Variants in EML4 observed in about 807,000 individuals in gnomAD.
EML4 encodes echinoderm microtubule-associated protein-like 4.
In EML4, 72 loss-of-function variants were observed where a neutral mutation model predicts 129.0. The observed-to-expected ratio is 0.56, with a 90% confidence interval of 0.46 to 0.68. The LOEUF (loss-of-function observed/expected upper bound fraction) is 0.68, where lower values mean the gene tolerates loss of function less well. EML4 is among the 30% of genes least tolerant of loss of function. The pLI is 0.00. For synonymous variants in EML4, 532 were observed against 405.0 expected (o/e 1.31, Z -3.77); for missense variants, 1,363 against 1,190.6 (o/e 1.14, Z -2.13).
intron 8 of EML4, among the ~76,000 whole-genome samples, chr2:42,283,417 G>A (rs937211636): frequency 2.6e-5 from 4 of 152,132 alleles, no homozygotes; most frequent in African/African-American, 9.7e-5. Context: ...TAAGTATGCC[G>A]TAGGATGTCA....
chr2:42,185,815 T>C (rs777643491), intron 1 of EML4, among the ~76,000 whole-genome samples: 7 of 151,986 alleles, frequency 4.6e-5, no homozygotes, highest in Non-Finnish European at 7.4e-5. Flanking sequence ...ATATTGAAAA[T>C]AGGAATATCA....
At chr2:42,302,489 C>T (rs1668339927) in intron 14 of EML4, among the ~76,000 whole-genome samples, 1 of 151,762 alleles carries the variant, frequency 6.6e-6, no homozygotes, top group Non-Finnish European at 1.5e-5. Flanking sequence ...TAACAAAACC[C>T]GACCACATTC....
chr2:42,213,534 ATACT>A (rs1673003880), intron 1 of EML4, among the ~76,000 whole-genome samples: 1 of 152,242 alleles, frequency 6.6e-6, no homozygotes, highest in African/African-American at 2.4e-5. Context: ...TAGTTTAAAA[ATACT>A]TAATGATTGA....
chr2:42,282,100 C>G (rs960298804), intron 7 of EML4, among the ~76,000 whole-genome samples: 4 of 152,070 alleles, frequency 2.6e-5, no homozygotes, highest in Non-Finnish European at 5.9e-5. Flanking sequence ...TTCTCTCCAT[C>G]TAAATTAGGT....
At chr2:42,192,243 T>G (rs113444104) in intron 1 of EML4, among the ~76,000 whole-genome samples, 4,275 of 144,934 alleles carry the variant, frequency 0.029, 125 homozygotes, top group African/African-American at 0.086. Context: ...TTTTTTTTTT[T>G]GGGGGGGGGA....
At chr2:42,252,469 A>G (rs942046326) in intron 2 of EML4, among the ~76,000 whole-genome samples, 3 of 152,186 alleles carry the variant, frequency 2.0e-5, no homozygotes, top group Non-Finnish European at 2.9e-5. Context: ...CATGGCTACT[A>G]GAGGGTATTC....
At chr2:42,299,037 T>C (rs11695492) in intron 13 of EML4, among the ~76,000 whole-genome samples, 38,188 of 152,152 alleles carry the variant, frequency 0.25, 5,728 homozygotes, top group East Asian at 0.56. Context: ...TAGATACTTA[T>C]CTACCTATGC....
intron 1 of EML4, among the ~76,000 whole-genome samples, chr2:42,216,285 C>G (rs1280400751): frequency 3.8e-5 from 5 of 130,262 alleles, no homozygotes; most frequent in Non-Finnish European, 6.2e-5. Context: ...CTCTGTCACC[C>G]AGGCTGGAGT....
At position 42,233,925 on chromosome 2, in the gene EML4, C is replaced by T. The variant is rs114225492; in HGVS notation, c.26-11580C>T. On this transcript the variant is annotated intron_variant, in intron 1 of 22. Transcript: ENST00000318522. Reference sequence around the variant, plus strand: ...AAATACTTACTTTGGGGACTTTAAGCTCTAAGCAATAGTACCTTATTGTTA... The same window carrying T: ...AAATACTTACTTTGGGGACTTTAAGTTCTAAGCAATAGTACCTTATTGTTA... Among the ~76,000 whole-genome samples the T allele has an allele frequency of 6.2e-3, 938 of 152,178 alleles. 6 individuals are homozygous for T. Among genetic ancestry groups the T allele is most frequent in the African/African-American group, 0.021 (885 of 41,440 alleles).
chr2:42,192,689 C>T (rs10193935), intron 1 of EML4, among the ~76,000 whole-genome samples: 22,054 of 151,996 alleles, frequency 0.15, 1,609 homozygotes, highest in East Asian at 0.18. Context: ...ATTTGTAAAC[C>T]CCAGACATTA....
chr2:42,171,018 T>A (rs1004867033), intron 1 of EML4, among the ~76,000 whole-genome samples: 5 of 152,224 alleles, frequency 3.3e-5, no homozygotes, highest in African/African-American at 1.2e-4. Flanking sequence ...AGAGTGGAAA[T>A]CCTAAAATAG....
At chr2:42,327,833 A>G (rs1669892766) in intron 21 of EML4, among the ~76,000 whole-genome samples, 1 of 152,206 alleles carries the variant, frequency 6.6e-6, no homozygotes, top group African/African-American at 2.4e-5. Context: ...AAAAATTAAT[A>G]TTTTCTCTTT....
At chr2:42,226,131 T>C (rs1423369262) in intron 1 of EML4, among the ~76,000 whole-genome samples, 4 of 152,060 alleles carry the variant, frequency 2.6e-5, no homozygotes, top group Non-Finnish European at 4.4e-5. Flanking sequence ...ACTAGAAAAA[T>C]AGTTACCAGT....
At chr2:42,303,635 A>G (rs941188772) in intron 16 of EML4, among the ~76,000 whole-genome samples, 189 bp downstream of exon 16, 3 of 152,126 alleles carry the variant, frequency 2.0e-5, no homozygotes, top group African/African-American at 7.2e-5. Context: ...ATTTTAAAGA[A>G]GTAAGTTAGG....
chr2:42,228,918 T>C (rs1674146758), intron 1 of EML4, among the ~76,000 whole-genome samples: 1 of 152,214 alleles, frequency 6.6e-6, no homozygotes, highest in African/African-American at 2.4e-5. Flanking sequence ...CATATATCTT[T>C]GTGTTGTTTT....
intron 1 of EML4, among the ~76,000 whole-genome samples, chr2:42,183,707 A>T (rs905569884): frequency 5.9e-5 from 9 of 152,132 alleles, no homozygotes; most frequent in African/African-American, 1.9e-4. Flanking sequence ...ATAATATACT[A>T]TGCTACCTTT....
chr2:42,223,868 T>G (rs1283580260), intron 1 of EML4, among the ~76,000 whole-genome samples: 2 of 152,234 alleles, frequency 1.3e-5, no homozygotes, highest in Non-Finnish European at 2.9e-5. Flanking sequence ...ACCCCTTCAT[T>G]TGTGCCCTCA....
intron 2 of EML4, among the ~76,000 whole-genome samples, chr2:42,252,424 TATTCTC>T (rs1675837488): frequency 6.6e-6 from 1 of 152,238 alleles, no homozygotes; most frequent in Non-Finnish European, 1.5e-5. Flanking sequence ...CCCACCATCT[TATTCTC>T]AGACCACTGC....
intron 6 of EML4, among the ~76,000 whole-genome samples, chr2:42,278,174 A>G (rs758171546): frequency 3.3e-5 from 5 of 152,168 alleles, no homozygotes; most frequent in Non-Finnish European, 7.3e-5. Flanking sequence ...CCATTTCACA[A>G]TCACCATCAA....
Sources: gnomAD v4.1 joint callset for allele counts (sites outside exome capture counted in the v4.1 genomes callset) on GRCh38, gnomAD v4.1.1 for gene constraint, MANE v1.5 for transcripts, NCBI Gene and HGNC (gene_info 2026-07-23, HGNC 2026-07-21) for gene names.